The following RTTN variants were observed in gnomAD, a reference collection of about 807,000 sequenced individuals.
RTTN encodes rotatin.
Under a neutral mutation model 269.2 loss-of-function variants are expected in RTTN, and 182 were observed. That is an observed-to-expected ratio of 0.68 (90% CI 0.60 to 0.76). The LOEUF (loss-of-function observed/expected upper bound fraction) is 0.76. Among genes scored for constraint, RTTN ranks in the 30% least tolerant of loss-of-function variants. The probability of loss-of-function intolerance (pLI) is 0.00; values close to 1 mark genes in which losing one functional copy is unlikely to be tolerated. For missense variants in RTTN, 2,545 were observed against 2,608.6 expected, an observed-to-expected ratio of 0.98 and a Z score of 0.53; for synonymous variants, 1,006 against 963.5, an observed-to-expected ratio of 1.04 and a Z score of -0.82.
rs1172728493 is a variant in RTTN, at chr18:70,140,198, A to G, written c.2582-10T>C. The G allele has an allele frequency of 1.3e-6, 2 of 1,499,976 alleles. No individual in the cohort carries two copies. The highest frequency in any genetic ancestry group is 1.9e-6 in the Non-Finnish European group (2 of 1,080,860). 92.9% of individuals were successfully genotyped at this position (1,499,976 alleles called of 1,614,324 possible). On this transcript the variant is annotated splice_polypyrimidine_tract_variant and intron_variant, in intron 19 of 48. Coordinates refer to ENST00000640769, the MANE Select transcript of RTTN (RefSeq NM_173630.4). Reference sequence around the variant, plus strand: ...GCATGCATTTTAATATCTGTAGATAAAAAAAGTTACTAAAAGTTAAAGCAC... The same window carrying G: ...GCATGCATTTTAATATCTGTAGATAGAAAAAGTTACTAAAAGTTAAAGCAC...
chr18:70,011,493 T>C (rs2056371379), intron 46 of RTTN, among the ~76,000 whole-genome samples: 1 of 152,134 alleles, frequency 6.6e-6, no homozygotes, highest in South Asian at 2.1e-4. Context: ...AAAAACCACA[T>C]GATTATCTCA....
intron 14 of RTTN, among the ~76,000 whole-genome samples, chr18:70,164,865 T>C (rs2060944967): frequency 6.6e-6 from 1 of 152,184 alleles, no homozygotes; most frequent in Admixed American, 6.5e-5. Flanking sequence ...TGGAGACATA[T>C]TTTAATGAAA....
At chr18:70,119,371 G>T (rs559521695) in intron 26 of RTTN, among the ~76,000 whole-genome samples, 2 of 151,584 alleles carry the variant, frequency 1.3e-5, no homozygotes, top group Non-Finnish European at 2.9e-5. Flanking sequence ...AAAGGTGAAA[G>T]ATCTCTACAC....
intron 10 of RTTN, among the ~76,000 whole-genome samples, chr18:70,183,747 T>C (rs2061471205): frequency 1.3e-5 from 2 of 152,092 alleles, no homozygotes; most frequent in African/African-American, 4.8e-5. Context: ...GAAGCAAAAT[T>C]ACCCCCCAGT....
intron 28 of RTTN, among the ~76,000 whole-genome samples, chr18:70,095,696 G>A (rs141611910): frequency 0.03 from 4,520 of 152,176 alleles, 104 homozygotes; most frequent in South Asian, 0.049. Flanking sequence ...TCCCTTTGTG[G>A]GTAACCCGAC....
rs901100118 is a variant in RTTN at position 70,190,603 on chromosome 18, T to C, written c.1124A>G (p.Gln375Arg). Residue 375 changes from glutamine (Q) to arginine (R), a missense_variant, in exon 9 of 49, where the codon CAG (glutamine) becomes CGG (arginine). Physicochemically the swap from Gln to Arg is conservative, Grantham distance 43. Coordinates refer to ENST00000640769, the MANE Select transcript of RTTN (RefSeq NM_173630.4). ...ACAAAACTGGGGAAGACTGAGCTGC[T>C]GGAATTGTAGTTCCAATGTGTCTTC... is the stretch of plus-strand genomic sequence containing the variant. ...ETEDTLELQF[Q>R]QLSLPQFCVS... is the part of the protein sequence containing the mutation. 37 of 1,613,950 alleles carry C rather than the reference T, an allele frequency of 2.3e-5. No individual in the cohort carries two copies. The highest frequency in any genetic ancestry group is 2.2e-4 in the East Asian group (10 of 44,886).
Position 70,042,296 on chromosome 18 carries a change from G to A in RTTN, c.5541+5675C>T, listed in dbSNP as rs948290642. On this transcript the variant is annotated intron_variant, in intron 40 of 48. Coordinates refer to ENST00000640769, the MANE Select transcript of RTTN (RefSeq NM_173630.4). The stretch of plus-strand genomic sequence containing the variant: ...GCTTCATCTAAACATTTTAGAATAC[G>A]AGAAAAAATAAAGATTCTAAAAACT... Among the ~76,000 whole-genome samples the A allele has an allele frequency of 1.8e-4, 26 of 147,662 alleles. No individual in the cohort carries two copies. The East Asian group carries it at 5.0e-3, about 29-fold the overall frequency.
At position 70,122,349 on chromosome 18, in the gene RTTN, T is replaced by A. The variant is rs115532179; in HGVS notation, c.3384-649A>T. ...GAAGTAGTTTGGAAATCGTTTTTTTTAAAAAGCAATCAGCAAGAGATATGA... is the reference window on the plus strand; with the variant it reads ...GAAGTAGTTTGGAAATCGTTTTTTTAAAAAAGCAATCAGCAAGAGATATGA... On this transcript the variant is annotated intron_variant, in intron 25 of 48. Transcript: ENST00000640769. 9.9e-3 allele frequency among the ~76,000 whole-genome samples: 1,510 copies of A among 152,230 alleles called. 23 individuals carry two copies. The highest frequency in any genetic ancestry group is 0.034 in the African/African-American group (1,411 of 41,552).
At chr18:70,006,887 T>C (rs1379910212) in intron 46 of RTTN, 4 of 161,998 alleles carry the variant, frequency 2.5e-5, no homozygotes, top group Non-Finnish European at 4.1e-5. Context: ...TACAAACACA[T>C]CAGTAGCATG....
intron 8 of RTTN, among the ~76,000 whole-genome samples, chr18:70,191,806 C>A (rs955171538): frequency 1.3e-5 from 2 of 152,080 alleles, no homozygotes; most frequent in Admixed American, 6.5e-5. Context: ...TACCAAGCAC[C>A]CCAAAATATG....
intron 14 of RTTN, among the ~76,000 whole-genome samples, chr18:70,156,768 G>A (rs1439391488): frequency 1.3e-5 from 2 of 152,082 alleles, no homozygotes; most frequent in South Asian, 4.2e-4. Flanking sequence ...GAAACTACGT[G>A]ACTATTGGGG....
chr18:70,192,436 T>C (rs962470407), intron 8 of RTTN, among the ~76,000 whole-genome samples: 7 of 152,086 alleles, frequency 4.6e-5, no homozygotes, highest in Non-Finnish European at 1.5e-5. Context: ...ATCTCAGCAC[T>C]TTACGAGGCC....
Position 70,109,577 on chromosome 18 carries a change from G to C in RTTN, c.3824C>G (p.Ala1275Gly), listed in dbSNP as rs368042408. The change falls in exon 28 of 49, where the codon GCG becomes GGG. Residue 1275 changes from alanine (A) to glycine (G), a missense_variant. Coordinates refer to ENST00000640769, the MANE Select transcript of RTTN (RefSeq NM_173630.4). ...RTLRGMANLT[A>G]FPGWSSHSPL... ...AGAGTGTGAGCTCCATCCCGGAAACGCAGTGAGGTTAGCCATCCCTCGTAA... is the reference window on the plus strand; with the variant it reads ...AGAGTGTGAGCTCCATCCCGGAAACCCAGTGAGGTTAGCCATCCCTCGTAA... 6.2e-7 allele frequency: 1 copy of C among 1,614,026 alleles called. No homozygotes were observed. Among genetic ancestry groups the C allele is most frequent in the East Asian group, 2.2e-5 (1 of 44,868 alleles).
At chr18:70,029,927 A>C in intron 42 of RTTN, 85 bp downstream of exon 42, 1 of 903,812 alleles carries the variant, frequency 1.1e-6, no homozygotes, top group Non-Finnish European at 1.8e-6. Context: ...TGAGACACTC[A>C]TTTCAAGCTC....
In RTTN at chr18:70,190,699, T is replaced by C. The variant is rs1028579324; in HGVS notation, c.1028A>G (p.His343Arg). The C allele has an allele frequency of 2.5e-6, 4 of 1,608,234 alleles. No homozygotes were observed. The African/African-American group carries it at 5.3e-5, about 21-fold the overall frequency. Residue 343 changes from histidine (H) to arginine (R), a missense_variant, in exon 9 of 49, where the codon CAT becomes CGT. Physicochemically the swap from His to Arg is conservative, Grantham distance 29 (BLOSUM62 0). Transcript: ENST00000640769. ...ASSSGSSSHAHVNSRISVHSP... is the reference protein window; with the variant it reads ...ASSSGSSSHARVNSRISVHSP... The stretch of plus-strand genomic sequence containing the variant: ...ATGAACGGATATCCTGGAGTTTACA[T>C]GAGCATGACTACTACTTCCACTGCA...
At chr18:70,041,286 G>A (rs967948571) in intron 40 of RTTN, among the ~76,000 whole-genome samples, 1 of 151,848 alleles carries the variant, frequency 6.6e-6, no homozygotes, top group Non-Finnish European at 1.5e-5. Context: ...GAGCAGGGTT[G>A]GGTCGGAGTT....
intron 14 of RTTN, among the ~76,000 whole-genome samples, chr18:70,162,595 C>T (rs1402133386): frequency 6.6e-6 from 1 of 152,108 alleles, no homozygotes; most frequent in Non-Finnish European, 1.5e-5. Context: ...CATGAGAACT[C>T]ACTCACTGTT....
chr18:70,144,272 C>T (rs571718749), intron 18 of RTTN, among the ~76,000 whole-genome samples: 9 of 152,306 alleles, frequency 5.9e-5, no homozygotes, highest in African/African-American at 1.7e-4. Context: ...ACCAGGCTAA[C>T]CTGAGAAAAG....
chr18:70,200,713 C>T (rs148002697), intron 4 of RTTN, among the ~76,000 whole-genome samples: 2,256 of 152,322 alleles, frequency 0.015, 28 homozygotes, highest in Middle Eastern at 0.075. Flanking sequence ...TTGAACATAT[C>T]CTTTTCAACT....
Sources: gnomAD v4.1 joint callset for allele counts (sites outside exome capture counted in the v4.1 genomes callset) on GRCh38, gnomAD v4.1.1 for gene constraint, MANE v1.5 for transcripts, NCBI Gene and HGNC (gene_info 2026-07-23, HGNC 2026-07-21) for gene names.